Variants in SEMA3A observed in about 807,000 individuals in gnomAD.
The protein encoded by SEMA3A is semaphorin 3A.
SEMA3A carries 29 observed loss-of-function variants against 97.9 expected under a neutral mutation model. The ratio of observed to expected loss-of-function variants is 0.30; its 90% CI spans 0.22 to 0.40. The LOEUF is 0.40. Among genes scored for constraint, SEMA3A ranks in the 10% least tolerant of loss-of-function variants. The pLI is 1.00. For missense variants in SEMA3A, 763 were observed against 951.3 expected, an observed-to-expected ratio of 0.80 and a Z score of 2.60; for synonymous variants, 321 against 323.7, an observed-to-expected ratio of 0.99 and a Z score of 0.09.
At chr7:84,424,585 A>C (rs1485869599) in intron 1 of SEMA3A, among the ~76,000 whole-genome samples, 1 of 54,540 alleles carries the variant, frequency 1.8e-5, no homozygotes, top group Non-Finnish European at 2.7e-5. Context: ...AATATATATT[A>C]TATATAATAT....
At chr7:83,989,529 C>CAA (rs1413590390) in intron 12 of SEMA3A, among the ~76,000 whole-genome samples, 1 of 138,792 alleles carries the variant, frequency 7.2e-6, no homozygotes, top group African/African-American at 2.7e-5. Flanking sequence ...CATGTGATCT[C>CAA]ATTGTTCAAT....
chr7:84,423,827 CA>C (rs1156361833), intron 1 of SEMA3A, among the ~76,000 whole-genome samples: 3 of 151,714 alleles, frequency 2.0e-5, no homozygotes, highest in African/African-American at 7.3e-5. Flanking sequence ...ATAATTTCAT[CA>C]AAAAGTGGGC....
intron 9 of SEMA3A, 50 bp from the exon 10 acceptor site, chr7:84,007,547 T>A: frequency 7.4e-7 from 1 of 1,346,968 alleles, no homozygotes; most frequent in Non-Finnish European, 9.9e-7. Context: ...TATACAATGG[T>A]AAGAGAAATA....
At chr7:84,276,705 A>G (rs1271630196) in intron 3 of SEMA3A, among the ~76,000 whole-genome samples, 1 of 152,144 alleles carries the variant, frequency 6.6e-6, no homozygotes, top group Non-Finnish European at 1.5e-5. Flanking sequence ...CTGGTTTAAA[A>G]TCAATTTAAC....
At chr7:84,118,656 A>G (rs748735682) in intron 3 of SEMA3A, among the ~76,000 whole-genome samples, 2 of 152,270 alleles carry the variant, frequency 1.3e-5, no homozygotes, top group South Asian at 4.1e-4. Context: ...AGTCACCCAA[A>G]TCGACCCAAA....
chr7:84,412,455 T>G (rs759210074), intron 1 of SEMA3A, among the ~76,000 whole-genome samples: 9 of 152,180 alleles, frequency 5.9e-5, no homozygotes, highest in Non-Finnish European at 8.8e-5. Context: ...AGGGGTCACA[T>G]TTTTACATTC....
intron 15 of SEMA3A, among the ~76,000 whole-genome samples, chr7:83,966,981 G>T (rs1788721055): frequency 6.6e-6 from 1 of 152,136 alleles, no homozygotes; most frequent in Admixed American, 6.5e-5. Context: ...AAAGTGCTGG[G>T]ATTACAGGCA....
chr7:84,298,739 T>C (rs1325732633), intron 3 of SEMA3A, among the ~76,000 whole-genome samples: 1 of 152,176 alleles, frequency 6.6e-6, no homozygotes, highest in African/African-American at 2.4e-5. Context: ...GTCAACTTGA[T>C]TGGCTTAAAG....
intron 1 of SEMA3A, among the ~76,000 whole-genome samples, chr7:84,432,614 C>T (rs1046400341): frequency 1.3e-5 from 2 of 152,104 alleles, no homozygotes; most frequent in African/African-American, 2.4e-5. Context: ...ATTTAGCACC[C>T]ACTTATAAGC....
chr7:84,426,474 G>A (rs1804833151), intron 1 of SEMA3A, among the ~76,000 whole-genome samples: 1 of 152,024 alleles, frequency 6.6e-6, no homozygotes, highest in Non-Finnish European at 1.5e-5. Context: ...AACTAACACT[G>A]CACAAATTAT....
At chr7:84,292,809 A>C (rs1402707061) in intron 3 of SEMA3A, among the ~76,000 whole-genome samples, 1 of 152,108 alleles carries the variant, frequency 6.6e-6, no homozygotes, top group Non-Finnish European at 1.5e-5. Context: ...TTTACATTTC[A>C]AAGGCCTTAG....
chr7:84,419,658 G>T (rs1354730481), intron 1 of SEMA3A, among the ~76,000 whole-genome samples: 1 of 152,080 alleles, frequency 6.6e-6, no homozygotes, highest in Non-Finnish European at 1.5e-5. Flanking sequence ...GATTTAGAAA[G>T]CCACATACAG....
At chr7:84,402,868 CT>C (rs1427265466) in intron 1 of SEMA3A, among the ~76,000 whole-genome samples, 1 of 152,056 alleles carries the variant, frequency 6.6e-6, no homozygotes, top group Non-Finnish European at 1.5e-5. Context: ...AAACAATTGA[CT>C]TTATGGAGAT....
At chr7:84,409,881 C>T (rs1469207895) in intron 1 of SEMA3A, among the ~76,000 whole-genome samples, 1 of 152,018 alleles carries the variant, frequency 6.6e-6, no homozygotes, top group Non-Finnish European at 1.5e-5. Context: ...TTATGCATTG[C>T]TTTCCACGTT....
chr7:83,983,782 C>CT, intron 13 of SEMA3A, among the ~76,000 whole-genome samples: 1 of 152,274 alleles, frequency 6.6e-6, no homozygotes, highest in South Asian at 2.1e-4. Context: ...ACCTGATGTG[C>CT]TTTTTCTGCC....
At chr7:83,999,042 A>C (rs972232211) in intron 12 of SEMA3A, among the ~76,000 whole-genome samples, 1 of 152,270 alleles carries the variant, frequency 6.6e-6, no homozygotes, top group African/African-American at 2.4e-5. Flanking sequence ...TTTATAAGTA[A>C]TTTTTTATAA....
intron 3 of SEMA3A, among the ~76,000 whole-genome samples, chr7:84,236,080 A>T (rs1799230042): frequency 6.6e-6 from 1 of 152,210 alleles, no homozygotes; most frequent in Admixed American, 6.5e-5. Context: ...TGTCACCTCA[A>T]ATTGCACAGG....
At chr7:84,354,119 C>CA (rs1802499950) in intron 2 of SEMA3A, among the ~76,000 whole-genome samples, 1 of 151,288 alleles carries the variant, frequency 6.6e-6, no homozygotes, top group Non-Finnish European at 1.5e-5. Flanking sequence ...AAAATTAAAG[C>CA]AAAAAATATA....
At chr7:83,996,415 G>A (rs1790222355) in intron 12 of SEMA3A, among the ~76,000 whole-genome samples, 1 of 148,404 alleles carries the variant, frequency 6.7e-6, no homozygotes, top group Non-Finnish European at 1.5e-5. Context: ...CGATTCTCCT[G>A]CCTCAGCCTC....
Sources: gnomAD v4.1 joint callset for allele counts (sites outside exome capture counted in the v4.1 genomes callset) on GRCh38, gnomAD v4.1.1 for gene constraint, MANE v1.5 for transcripts, NCBI Gene and HGNC (gene_info 2026-07-23, HGNC 2026-07-21) for gene names.